TET3: variants seen among roughly 807,000 people sequenced by gnomAD.
TET3 encodes tet methylcytosine dioxygenase 3, also known as methylcytosine dioxygenase TET3.
A neutral mutation model predicts 141.4 loss-of-function variants in TET3; 19 were observed. The ratio of observed to expected loss-of-function variants is 0.13; its 90% confidence interval spans 0.09 to 0.20. The LOEUF (loss-of-function observed/expected upper bound fraction) is 0.20. TET3 is among the 10% of genes least tolerant of loss of function. The probability of loss-of-function intolerance (pLI) is 1.00; values close to 1 mark genes in which losing one functional copy is unlikely to be tolerated. For synonymous variants in TET3, 1,043 were observed against 980.9 expected (o/e 1.06, Z -1.18); for missense variants, 1,874 against 2,356.9 (o/e 0.80, Z 4.24).
chr2:74,096,443 C>T (rs535687060), intron 10 of TET3, among the ~76,000 whole-genome samples: 9 of 152,328 alleles, frequency 5.9e-5, no homozygotes, highest in African/African-American at 1.9e-4. Context: ...CCAATACAAA[C>T]TGGATACCTT....
chr2:74,078,207 A>G lies in TET3; in HGVS notation c.2586-2291A>G, dbSNP rs1190676075. On this transcript the variant is annotated intron_variant, in intron 5 of 11. Coordinates refer to ENST00000409262, the MANE Select transcript of TET3 (RefSeq NM_001287491.2). ...TTTAAAAAATTAATTCGTTAATTAAAAAAAAATTATAAACTGTTCTCTTTT... is the reference window on the plus strand; with the variant it reads ...TTTAAAAAATTAATTCGTTAATTAAGAAAAAATTATAAACTGTTCTCTTTT... Among the ~76,000 whole-genome samples the G allele has an allele frequency of 2.0e-5, 3 of 152,372 alleles. No individual in the cohort carries two copies. The East Asian group carries it at 5.8e-4, about 29-fold the overall frequency.
At chr2:74,086,379 TAA>T (rs879469992) in intron 6 of TET3, among the ~76,000 whole-genome samples, 2 of 145,464 alleles carry the variant, frequency 1.4e-5, no homozygotes, top group African/African-American at 2.5e-5. Context: ...GGCTCTCGCT[TAA>T]AAAAAAAAAA....
intron 3 of TET3, among the ~76,000 whole-genome samples, chr2:74,019,189 G>C (rs1685896753): frequency 6.6e-6 from 1 of 152,208 alleles, no homozygotes; most frequent in Non-Finnish European, 1.5e-5. Context: ...CCCAGGAGTT[G>C]GAGGCTGCGG....
intron 2 of TET3, among the ~76,000 whole-genome samples, chr2:74,001,017 A>G (rs1056386633): frequency 6.6e-6 from 1 of 152,096 alleles, no homozygotes; most frequent in Admixed American, 6.5e-5. Flanking sequence ...AGGATAAAGG[A>G]GGGACTCCAC....
In TET3 at chr2:74,101,684, G is replaced by A. The variant is rs1027639351; in HGVS notation, c.4896G>A (p.Glu1632=). Residue 1632 remains glutamate, a synonymous_variant, in exon 12 of 12, where the codon GAG becomes GAA. Transcript: ENST00000409262. This position sits in a 1 kb window ranked among gnomAD's most constrained non-coding sequence, Gnocchi z 8.5. ...VKEEKGGGGA[E]EEEEELWSDS... ...AGGAGAAGGGCGGTGGTGGTGCGGA[G>A]GAGGAAGAGGAGGAGCTGTGGTCGG... 3.1e-6 allele frequency: 5 copies of A among 1,613,662 alleles called. No individual in the cohort carries two copies. The Admixed American group carries it at 8.3e-5, about 27-fold the overall frequency.
At chr2:74,018,738 T>C (rs1685867918) in intron 3 of TET3, among the ~76,000 whole-genome samples, 1 of 143,372 alleles carries the variant, frequency 7.0e-6, no homozygotes, top group Non-Finnish European at 1.5e-5. Context: ...TAAAACATAC[T>C]TCTTACTTTT....
chr2:74,085,150 CA>C (rs112733988), intron 6 of TET3, among the ~76,000 whole-genome samples: 3,687 of 119,110 alleles, frequency 0.031, 109 homozygotes, highest in African/African-American at 0.087. Flanking sequence ...TTTTCCACAG[CA>C]AAAAAAAAAA....
chr2:74,030,307 G>T (rs1029838150), intron 3 of TET3, among the ~76,000 whole-genome samples: 1 of 152,166 alleles, frequency 6.6e-6, no homozygotes, highest in Non-Finnish European at 1.5e-5. Flanking sequence ...ATAGTTGGCA[G>T]TCTAAACTTC....
chr2:74,085,360 T>C (rs918808137), intron 6 of TET3, among the ~76,000 whole-genome samples: 2 of 152,180 alleles, frequency 1.3e-5, no homozygotes, highest in South Asian at 4.1e-4. Context: ...CACCACCCAC[T>C]AGTCTTGCAT....
intron 8 of TET3, 32 bp from the exon 9 acceptor site, chr2:74,092,870 C>T: frequency 6.4e-7 from 1 of 1,550,966 alleles, no homozygotes; most frequent in Non-Finnish European, 8.8e-7. Flanking sequence ...GGCGGGGCTG[C>T]TCTGGATGTG....
intron 3 of TET3, among the ~76,000 whole-genome samples, chr2:74,039,711 G>A (rs1237217764): frequency 6.6e-6 from 1 of 152,130 alleles, no homozygotes; most frequent in Non-Finnish European, 1.5e-5. Context: ...GACTGGGCTG[G>A]AATCCTCGAA....
intron 7 of TET3, among the ~76,000 whole-genome samples, chr2:74,088,992 A>G (rs1302940335): frequency 2.0e-5 from 3 of 151,388 alleles, no homozygotes; most frequent in Non-Finnish European, 2.9e-5. Context: ...GAGGCATGAG[A>G]ATCACTTTCA....
chr2:73,993,170 G>A (rs1302536013), intron 2 of TET3: 1 of 152,216 alleles, frequency 6.6e-6, no homozygotes, highest in Non-Finnish European at 1.5e-5. Flanking sequence ...GGGCTCCCAG[G>A]TGTACCTAAT....
chr2:74,120,353 G>A, the TET3 span, among the ~76,000 whole-genome samples: 2 of 152,270 alleles, frequency 1.3e-5, no homozygotes, highest in African/African-American at 4.8e-5. Flanking sequence ...CCCGGCAGGA[G>A]CTTCCGGAGA....
intron 2 of TET3, among the ~76,000 whole-genome samples, chr2:73,996,091 C>T (rs1390166392): frequency 6.6e-6 from 1 of 152,022 alleles, no homozygotes; most frequent in Non-Finnish European, 1.5e-5. Context: ...CTTCCAGCTC[C>T]AACCTTATCT....
At chr2:73,984,099 A>C (rs577519620), upstream of TET3, among the ~76,000 whole-genome samples, 1 of 152,358 alleles carries the variant, frequency 6.6e-6, no homozygotes, top group African/African-American at 2.4e-5. The surrounding 1 kb of genome is among the most constrained non-coding windows in gnomAD (Gnocchi z 5.6). Context: ...GCCGGGTTTT[A>C]GGGCTTAGTC....
At chr2:74,057,826 C>G (rs1307395556) in intron 4 of TET3, among the ~76,000 whole-genome samples, 3 of 152,018 alleles carry the variant, frequency 2.0e-5, no homozygotes, top group African/African-American at 7.3e-5. Context: ...AACATGGTAG[C>G]CATTCAAATT....
chr2:74,108,781 A>G (rs1691635329), downstream of TET3, among the ~76,000 whole-genome samples: 1 of 152,140 alleles, frequency 6.6e-6, no homozygotes, highest in Non-Finnish European at 1.5e-5. Context: ...CCTGCATGAA[A>G]CATCTGACTG....
Position 74,087,049 on chromosome 2 carries a change from T to G in TET3, c.2680-781T>G, listed in dbSNP as rs1429170057. Among the ~76,000 whole-genome samples the G allele has an allele frequency of 4.6e-5, 7 of 152,190 alleles. No homozygotes were observed. Among genetic ancestry groups the G allele is most frequent in the Non-Finnish European group, 8.8e-5 (6 of 68,030 alleles). ...TCTGAATGGAACTGTTCTGGGTGTC[T>G]CATGTCAGTGGAATCATGTACTATG... On this transcript the variant is annotated intron_variant, in intron 6 of 11. Coordinates refer to ENST00000409262, the MANE Select transcript of TET3 (RefSeq NM_001287491.2). This position sits in a 1 kb window ranked among gnomAD's most constrained non-coding sequence, Gnocchi z 4.3.
Sources: gnomAD v4.1 joint callset for allele counts (sites outside exome capture counted in the v4.1 genomes callset) on GRCh38, gnomAD v4.1.1 for gene constraint, Gnocchi (gnomAD v3.1) non-coding constraint, MANE v1.5 for transcripts, NCBI Gene and HGNC (gene_info 2026-07-23, HGNC 2026-07-21) for gene names.